Variants in ADGRG2 observed in about 807,000 individuals in gnomAD.
ADGRG2 encodes G protein-coupled receptor 64.
ADGRG2 carries 26 observed loss-of-function variants against 74.1 expected under a neutral mutation model. The observed-to-expected ratio is 0.35, with a 90% CI of 0.26 to 0.49. The LOEUF (loss-of-function observed/expected upper bound fraction) is 0.49. ADGRG2 is among the 20% of genes least tolerant of loss of function. The pLI is 0.99. For synonymous variants in ADGRG2, 296 were observed against 295.2 expected, an observed-to-expected ratio of 1.00 and a Z score of -0.03; for missense variants, 619 against 763.1, an observed-to-expected ratio of 0.81 and a Z score of 2.22.
chrX:19,042,164 C>T (rs1279944335), intron 3 of ADGRG2, among the ~76,000 whole-genome samples: 1 of 111,490 alleles, frequency 9.0e-6, no homozygotes, highest in African/African-American at 3.3e-5. Context: ...GGTCATCAGT[C>T]ATTCACATCT....
At chrX:19,050,586 C>T (rs1042655904) in intron 3 of ADGRG2, among the ~76,000 whole-genome samples, 1 of 111,681 alleles carries the variant, frequency 9.0e-6, no homozygotes, top group African/African-American at 3.3e-5. Flanking sequence ...TAATATCACC[C>T]CCAGGGAAAT....
intron 3 of ADGRG2, among the ~76,000 whole-genome samples, chrX:19,055,126 T>A (rs903169001): frequency 1.8e-5 from 2 of 112,208 alleles, no homozygotes; most frequent in African/African-American, 3.2e-5. Context: ...CCTTCCCAAC[T>A]GCCTGTCCGA....
intron 2 of ADGRG2, among the ~76,000 whole-genome samples, chrX:19,076,988 T>C (rs1414463722): frequency 8.9e-6 from 1 of 111,747 alleles, no homozygotes; most frequent in Admixed American, 9.5e-5. Context: ...GTATTGATTA[T>C]CTTTACACAT....
chrX:19,011,786 G>A (rs1332224644), intron 16 of ADGRG2, among the ~76,000 whole-genome samples: 2 of 111,867 alleles, frequency 1.8e-5, no homozygotes, highest in Admixed American at 9.5e-5. Context: ...CAGAGGTTGC[G>A]GTGAGCCGAA....
At chrX:19,091,296 A>G (rs1444154875) in intron 1 of ADGRG2, among the ~76,000 whole-genome samples, 2 of 110,881 alleles carry the variant, frequency 1.8e-5, no homozygotes, top group Non-Finnish European at 3.8e-5. Flanking sequence ...GCGTGTTCAG[A>G]TTCACATTTT....
intron 1 of ADGRG2, among the ~76,000 whole-genome samples, chrX:19,112,753 A>G (rs1265554715): frequency 9.2e-6 from 1 of 108,483 alleles, no homozygotes; most frequent in African/African-American, 3.4e-5. Flanking sequence ...AGGTCAAGAG[A>G]TCGAGACCAT....
At chrX:19,020,804 A>G in intron 14 of ADGRG2, among the ~76,000 whole-genome samples, 1 of 110,061 alleles carries the variant, frequency 9.1e-6, no homozygotes, top group African/African-American at 3.3e-5. Flanking sequence ...TCTATTAAAA[A>G]TGTTAAAATT....
intron 1 of ADGRG2, among the ~76,000 whole-genome samples, chrX:19,107,567 T>C (rs370435361): frequency 1.4e-4 from 16 of 110,512 alleles, no homozygotes; most frequent in African/African-American, 5.2e-4. Context: ...ATTCTAAAGC[T>C]ATTCGGGTGG....
At chrX:19,112,769 C>A (rs1310549147) in intron 1 of ADGRG2, among the ~76,000 whole-genome samples, 1 of 108,720 alleles carries the variant, frequency 9.2e-6, no homozygotes, top group Non-Finnish European at 1.9e-5. Flanking sequence ...ACCATCCTGG[C>A]CAACATGGTA....
intron 1 of ADGRG2, among the ~76,000 whole-genome samples, chrX:19,121,806 C>G (rs779437525): frequency 6.3e-4 from 70 of 111,592 alleles, no homozygotes; most frequent in African/African-American, 2.1e-3. Context: ...CTCTTCTTCC[C>G]CCTCACTTTT....
Position 19,028,180 on chromosome X carries a change from T to G in ADGRG2, c.414+3A>C. The G allele has an allele frequency of 9.7e-7, 1 of 1,033,200 alleles. No individual in the cohort carries two copies. The highest frequency in any genetic ancestry group is 1.3e-6 in the Non-Finnish European group (1 of 742,798). The allele number at this position is 1,033,200 out of a possible 1,213,427, so 85.1% of individuals were successfully genotyped here. A position where few individuals can be genotyped will look rare whatever the true frequency, so the allele number is the denominator to read the frequency against. On this transcript the variant is annotated splice_donor_region_variant and intron_variant, in intron 10 of 28. Transcript: ENST00000379869. ...TGCAGTAAAAAAAATCTTTAAAACTTACCTGGGGAACAGTGCTTTCTTTAT... is the reference window on the plus strand; with the variant it reads ...TGCAGTAAAAAAAATCTTTAAAACTGACCTGGGGAACAGTGCTTTCTTTAT...
Position 19,050,173 on chromosome X carries a change from T to C in ADGRG2, c.119-9949A>G, listed in dbSNP as rs181043409. On this transcript the variant is annotated intron_variant, in intron 3 of 28. Coordinates refer to ENST00000379869, the MANE Select transcript of ADGRG2 (RefSeq NM_001079858.3). ...GGATGGAAGCCAAGTTTGGGGTGTT[T>C]GTTGTGGACAGTGGGAGCTCAAGTC... Among the ~76,000 whole-genome samples the C allele has an allele frequency of 7.2e-5, 8 of 111,444 alleles. No homozygotes were observed. The Admixed American group carries it at 7.6e-4, about 11-fold the overall frequency.
intron 3 of ADGRG2, among the ~76,000 whole-genome samples, chrX:19,062,564 C>T (rs2061504008): frequency 9.0e-6 from 1 of 111,602 alleles, no homozygotes; most frequent in Admixed American, 9.5e-5. Context: ...TTTGTACAGA[C>T]AGGGGATTGA....
intron 1 of ADGRG2, among the ~76,000 whole-genome samples, chrX:19,101,279 T>A (rs1052037102): frequency 2.7e-5 from 3 of 111,139 alleles, no homozygotes; most frequent in African/African-American, 9.8e-5. Context: ...AAAATAGTAT[T>A]AAATGAGATG....
At chrX:19,049,438 G>GTGTTTTTTTT (rs1555901662) in intron 3 of ADGRG2, among the ~76,000 whole-genome samples, 2 of 82,212 alleles carry the variant, frequency 2.4e-5, no homozygotes, top group African/African-American at 1.1e-4. Context: ...CGTTTTTTGT[G>GTGTTTTTTTT]TTTTTTTTTT....
rs368801356 is a variant in ADGRG2, at chrX:19,008,093, T to C, written c.1453A>G (p.Ser485Gly). Reference sequence around the variant, plus strand: ...GAAGGAAGAGTAATTGTGCCAATACTGTTCTCAGGAGCTTGGGTTTCCAGA... The same window carrying C: ...GAAGGAAGAGTAATTGTGCCAATACCGTTCTCAGGAGCTTGGGTTTCCAGA... ...VSLETQAPEN[S>G]IGTITLPSSL... Residue 485 changes from serine to glycine, a missense_variant, in exon 19 of 29, where the codon AGT (serine) becomes GGT (glycine). By Grantham distance (56) the Ser-to-Gly change is moderately conservative. Transcript: ENST00000379869. The C allele has an allele frequency of 8.4e-7, 1 of 1,189,298 alleles. No homozygotes were observed. Among genetic ancestry groups the C allele is most frequent in the African/African-American group, 1.8e-5 (1 of 56,598 alleles).
chrX:19,094,386 T>C (rs927152923), intron 1 of ADGRG2, among the ~76,000 whole-genome samples: 1 of 110,136 alleles, frequency 9.1e-6, no homozygotes, highest in Non-Finnish European at 1.9e-5. Context: ...TCAGGTCAGT[T>C]TGGGTGGTGA....
intron 28 of ADGRG2, among the ~76,000 whole-genome samples, chrX:18,994,483 G>A (rs926901543): frequency 6.4e-5 from 7 of 108,570 alleles, no homozygotes; most frequent in Non-Finnish European, 5.7e-5. Flanking sequence ...GGCAACAAGA[G>A]TGAGACTCCA....
intron 1 of ADGRG2, among the ~76,000 whole-genome samples, chrX:19,085,122 G>A (rs1051140047): frequency 2.7e-5 from 3 of 111,752 alleles, no homozygotes; most frequent in Non-Finnish European, 5.6e-5. Context: ...GTGTGTGGTG[G>A]GGGGAGCCTA....
Sources: allele counts gnomAD v4.1 joint callset (sites outside exome capture counted in the v4.1 genomes callset), GRCh38; gene constraint gnomAD v4.1.1; transcripts MANE v1.5; gene names NCBI Gene and HGNC (gene_info 2026-07-23, HGNC 2026-07-21).